The following SEPTIN6 variants were observed in gnomAD, a reference collection of about 807,000 sequenced individuals.
SEPTIN6 encodes septin 6, also known as septin-6.
SEPTIN6 carries 8 observed loss-of-function variants against 33.6 expected under a neutral mutation model. The ratio of observed to expected loss-of-function variants is 0.24; its 90% CI spans 0.14 to 0.43. SEPTIN6 has a LOEUF of 0.43. Among genes scored for constraint, SEPTIN6 ranks in the 20% least tolerant of loss-of-function variants. SEPTIN6 has a pLI of 1.00. For missense variants in SEPTIN6, 250 were observed against 340.8 expected (o/e 0.73, Z 2.10); for synonymous variants, 131 against 140.0 (o/e 0.94, Z 0.45).
rs1037360862 is a variant in SEPTIN6, at chrX:119,663,350, G to A, written c.341+132C>T. ...GGCCTATGCTTGGGAGGTACCTGCT[G>A]CTGCCCACACCATTCTGGGAGGACA... On this transcript the variant is annotated intron_variant, in intron 3 of 10. Coordinates refer to ENST00000394610, the MANE Select transcript of SEPTIN6 (RefSeq NM_145799.4). The A allele has an allele frequency of 5.7e-6, 3 of 523,518 alleles. No homozygotes were observed. The East Asian group carries it at 1.0e-4, about 18-fold the overall frequency. 43.1% of individuals were successfully genotyped at this position (523,518 alleles called of 1,213,427 possible).
At chrX:119,653,811 C>T (rs1271717397) in intron 3 of SEPTIN6, among the ~76,000 whole-genome samples, 3 of 111,939 alleles carry the variant, frequency 2.7e-5, no homozygotes, top group South Asian at 3.6e-4. Flanking sequence ...GATCATGGCT[C>T]GTAATCCCAG....
Position 119,618,981 on chromosome X carries a change from T to C in SEPTIN6, c.*1112A>G. On this transcript the variant is annotated 3_prime_UTR_variant, in exon 11 of 11. Coordinates refer to ENST00000394610, the MANE Select transcript of SEPTIN6 (RefSeq NM_145799.4). ...CCATGATAAAAACTTAGGGCTGGAA[T>C]ATTTTTAAACTCTCAACTCCTTAAA... The C allele has an allele frequency of 1.0e-6, 1 of 978,813 alleles. No individual in the cohort carries two copies. Among genetic ancestry groups the C allele is most frequent in the Non-Finnish European group, 1.3e-6 (1 of 775,008 alleles). The allele number at this position is 978,813 out of a possible 1,213,427, so 80.7% of individuals were successfully genotyped here.
chrX:119,685,359 C>T (rs1293143803), intron 1 of SEPTIN6, among the ~76,000 whole-genome samples: 1 of 110,909 alleles, frequency 9.0e-6, no homozygotes, highest in Non-Finnish European at 1.9e-5. Context: ...ACTCTCTCCC[C>T]ACCCAGCTCA....
intron 5 of SEPTIN6, among the ~76,000 whole-genome samples, chrX:119,642,001 C>T (rs772415898): frequency 4.2e-4 from 47 of 110,846 alleles, no homozygotes; most frequent in African/African-American, 1.4e-3. Flanking sequence ...TTAAGAATGA[C>T]GTAATAGCAA....
At chrX:119,625,128 C>G (rs751801627) in intron 10 of SEPTIN6, among the ~76,000 whole-genome samples, 1 of 112,220 alleles carries the variant, frequency 8.9e-6, no homozygotes, top group African/African-American at 3.2e-5. Flanking sequence ...CGACCCCTCA[C>G]TTTAATCAGG....
intron 9 of SEPTIN6, among the ~76,000 whole-genome samples, chrX:119,627,852 T>C (rs1462298175): frequency 1.1e-5 from 1 of 94,459 alleles, no homozygotes; most frequent in Non-Finnish European, 2.1e-5. Flanking sequence ...CAGGCTGGAG[T>C]GCAATGGTGC....
chrX:119,627,564 A>G (rs2053874703), intron 9 of SEPTIN6, among the ~76,000 whole-genome samples: 1 of 110,698 alleles, frequency 9.0e-6, no homozygotes, highest in Non-Finnish European at 1.9e-5. Flanking sequence ...GAACTAAGCC[A>G]GCAGGGAGGG....
chrX:119,659,684 C>T (rs903055965), intron 3 of SEPTIN6, among the ~76,000 whole-genome samples: 2 of 111,344 alleles, frequency 1.8e-5, no homozygotes, highest in African/African-American at 6.5e-5. Context: ...TCATTATCAT[C>T]CCCATTTTAC....
chrX:119,639,096 G>C (rs1209200079), intron 6 of SEPTIN6, among the ~76,000 whole-genome samples: 1 of 112,292 alleles, frequency 8.9e-6, no homozygotes, highest in Non-Finnish European at 1.9e-5. Flanking sequence ...GAACAGCAGA[G>C]AAGACCAGAA....
At position 119,624,164 on chromosome X, in the gene SEPTIN6, T is replaced by TG. The variant is rs1267024288; in HGVS notation, c.*41+1170_*41+1171insC. 1.7e-3 allele frequency: 406 copies of TG among 242,822 alleles called. 2 individuals carry two copies. Among genetic ancestry groups the TG allele is most frequent in the Middle Eastern group, 8.8e-3 (7 of 799 alleles). 20.0% of individuals were successfully genotyped at this position (242,822 alleles called of 1,213,427 possible). A position where few individuals can be genotyped will look rare whatever the true frequency, so the allele number is the denominator to read the frequency against. The stretch of plus-strand genomic sequence containing the variant: ...TATGGGTTTTTTTTTTTTGTTTTTT[T>TG]TTTTGTTTGTTTGTTTGTTTGTTTT... On this transcript the variant is annotated intron_variant, in intron 10 of 10. Transcript: ENST00000394610.
chrX:119,688,213 G>GC (rs1421427099), intron 1 of SEPTIN6, among the ~76,000 whole-genome samples: 1 of 111,973 alleles, frequency 8.9e-6, no homozygotes, highest in East Asian at 2.8e-4. Flanking sequence ...CCCTCAGGAA[G>GC]CCCTTCCTGT....
At chrX:119,657,891 C>G (rs1603342108) in intron 3 of SEPTIN6, among the ~76,000 whole-genome samples, 1 of 111,659 alleles carries the variant, frequency 9.0e-6, no homozygotes, top group South Asian at 3.7e-4. Flanking sequence ...TTTGGGAGGC[C>G]GAGGCAGGCG....
At chrX:119,677,084 G>T (rs1259635332) in intron 1 of SEPTIN6, among the ~76,000 whole-genome samples, 2 of 111,466 alleles carry the variant, frequency 1.8e-5, no homozygotes, top group Non-Finnish European at 3.8e-5. Context: ...TCACTGTGGG[G>T]TTATCCTTAC....
At chrX:119,680,699 G>C (rs2054940177) in intron 1 of SEPTIN6, among the ~76,000 whole-genome samples, 1 of 110,229 alleles carries the variant, frequency 9.1e-6, no homozygotes. Context: ...AAATGTATTT[G>C]TGGCCAGGCA....
intron 10 of SEPTIN6, chrX:119,624,161 T>TTTTTTTTTTTTG: frequency 4.8e-6 from 1 of 210,295 alleles, no homozygotes; most frequent in Non-Finnish European, 9.2e-6. Context: ...TTTTTTGTTT[T>TTTTTTTTTTTTG]TTTTTTTGTT....
intron 1 of SEPTIN6, among the ~76,000 whole-genome samples, chrX:119,677,484 G>A (rs5956141): frequency 0.15 from 17,112 of 111,530 alleles, 1,918 homozygotes; most frequent in African/African-American, 0.39. Context: ...TTTCTGTTGG[G>A]TGGGGCTGCA....
At chrX:119,636,631 G>A (rs1421946485) in intron 7 of SEPTIN6, among the ~76,000 whole-genome samples, 1 of 111,561 alleles carries the variant, frequency 9.0e-6, no homozygotes, top group African/African-American at 3.3e-5. Context: ...GCCTGATGAA[G>A]AAAGAGGGGC....
At position 119,647,945 on chromosome X, in the gene SEPTIN6, G is replaced by A. The variant is rs185210932; in HGVS notation, c.690+1992C>T. Among the ~76,000 whole-genome samples, 1,001 of 106,892 alleles carry A rather than the reference G, an allele frequency of 9.4e-3. 16 individuals are homozygous for A. Among genetic ancestry groups the A allele is most frequent in the African/African-American group, 0.033 (918 of 28,080 alleles). 92.8% of individuals were successfully genotyped at this position (106,892 alleles called of 115,157 possible). ...TGGAATTACAGGCGTTAGCCACCGC[G>A]CCCGGCCACTAGTTAATTTTTTTTA... On this transcript the variant is annotated intron_variant, in intron 5 of 10. Transcript: ENST00000394610.
At chrX:119,686,791 C>A in intron 1 of SEPTIN6, 1 of 272,534 alleles carries the variant, frequency 3.7e-6, no homozygotes, top group Admixed American at 5.1e-5. Flanking sequence ...AAAAAGAAAA[C>A]CCACACAACC....
Sources: gnomAD v4.1 joint callset for allele counts (sites outside exome capture counted in the v4.1 genomes callset) on GRCh38, gnomAD v4.1.1 for gene constraint, MANE v1.5 for transcripts, NCBI Gene and HGNC (gene_info 2026-07-23, HGNC 2026-07-21) for gene names.